KHDRBS2: variants seen among roughly 807,000 people sequenced by gnomAD.
The protein encoded by KHDRBS2 is KH domain-containing, RNA-binding, signal transduction-associated protein 2.
A neutral mutation model predicts 44.3 loss-of-function variants in KHDRBS2; 26 were observed. The ratio of observed to expected loss-of-function variants is 0.59; its 90% CI spans 0.43 to 0.81. The LOEUF (loss-of-function observed/expected upper bound fraction) is 0.81, where lower values mean the gene tolerates loss of function less well. Ranked by LOEUF, KHDRBS2 falls within the 40% of genes least tolerant of loss-of-function variation. The probability of loss-of-function intolerance (pLI) is 0.00; values close to 1 mark genes in which losing one functional copy is unlikely to be tolerated. For synonymous variants in KHDRBS2, 194 were observed against 151.1 expected, an observed-to-expected ratio of 1.28 and a Z score of -2.08; for missense variants, 476 against 433.1, an observed-to-expected ratio of 1.10 and a Z score of -0.88.
chr6:61,586,507 T>C, the KHDRBS2 span, among the ~76,000 whole-genome samples: 1 of 152,122 alleles, frequency 6.6e-6, no homozygotes, highest in East Asian at 1.9e-4. Context: ...GTCCAAGACT[T>C]TTGTGTTAAC....
chr6:61,923,416 G>T (rs1392690511), intron 4 of KHDRBS2, among the ~76,000 whole-genome samples: 1 of 151,894 alleles, frequency 6.6e-6, no homozygotes, highest in South Asian at 2.1e-4. Context: ...CTTCCAAAGT[G>T]CACTTAAGAA....
chr6:61,753,495 A>C (rs767403260), intron 6 of KHDRBS2, among the ~76,000 whole-genome samples: 20 of 152,342 alleles, frequency 1.3e-4, no homozygotes, highest in Non-Finnish European at 2.2e-4. Flanking sequence ...ATCTTTCTTT[A>C]AGCAGAGAGA....
At chr6:61,875,594 C>A (rs1229075514) in intron 6 of KHDRBS2, among the ~76,000 whole-genome samples, 1 of 152,040 alleles carries the variant, frequency 6.6e-6, no homozygotes, top group East Asian at 1.9e-4. Context: ...CCAAAGGAAA[C>A]CTTGAAACAA....
the KHDRBS2 span, among the ~76,000 whole-genome samples, chr6:61,559,159 T>TTA: frequency 6.6e-6 from 1 of 152,204 alleles, no homozygotes; most frequent in Non-Finnish European, 1.5e-5. Flanking sequence ...TTTTTTATCA[T>TTA]TATATAGTGA....
At chr6:61,655,859 G>A in the KHDRBS2 span, among the ~76,000 whole-genome samples, 1 of 152,014 alleles carries the variant, frequency 6.6e-6, no homozygotes, top group Non-Finnish European at 1.5e-5. Flanking sequence ...GCCTGACACT[G>A]AGATGTGGAG....
intron 3 of KHDRBS2, among the ~76,000 whole-genome samples, chr6:62,023,737 C>A (rs1179915569): frequency 2.0e-5 from 3 of 151,224 alleles, no homozygotes; most frequent in Non-Finnish European, 4.4e-5. Flanking sequence ...TTTCAGTCAG[C>A]AAATTATATG....
At chr6:61,601,551 T>G in the KHDRBS2 span, among the ~76,000 whole-genome samples, 3 of 152,068 alleles carry the variant, frequency 2.0e-5, no homozygotes, top group Admixed American at 6.5e-5. Context: ...AGGCAAACGG[T>G]CTGAGGTGCC....
At chr6:61,925,592 T>C (rs533956495) in intron 4 of KHDRBS2, among the ~76,000 whole-genome samples, 52 of 152,074 alleles carry the variant, frequency 3.4e-4, no homozygotes, top group Non-Finnish European at 5.6e-4. Flanking sequence ...TGTGCACCTG[T>C]ACACCTGTAG....
At chr6:61,890,227 T>C (rs1423082332) in intron 6 of KHDRBS2, among the ~76,000 whole-genome samples, 3 of 151,618 alleles carry the variant, frequency 2.0e-5, no homozygotes, top group East Asian at 3.9e-4. Flanking sequence ...ACTGATTGAA[T>C]AAATAAAAGC....
intron 6 of KHDRBS2, among the ~76,000 whole-genome samples, chr6:61,794,219 T>C (rs542167075): frequency 1.4e-4 from 21 of 152,224 alleles, no homozygotes; most frequent in African/African-American, 5.1e-4. Flanking sequence ...ACATACATGA[T>C]CTCATTTGAT....
At chr6:61,615,125 C>A in the KHDRBS2 span, among the ~76,000 whole-genome samples, 23 of 145,610 alleles carry the variant, frequency 1.6e-4, no homozygotes, top group African/African-American at 4.8e-4. Flanking sequence ...CCCAGCTACT[C>A]GGGAGGCTGA....
intron 4 of KHDRBS2, among the ~76,000 whole-genome samples, chr6:61,928,864 C>T (rs941391162): frequency 5.4e-4 from 82 of 151,900 alleles, no homozygotes; most frequent in African/African-American, 1.8e-3. Flanking sequence ...TATTATAAAA[C>T]TAGGATTGTT....
chr6:61,816,855 A>G (rs1789040172), intron 6 of KHDRBS2: 3 of 424,610 alleles, frequency 7.1e-6, no homozygotes, highest in African/African-American at 4.1e-5. Flanking sequence ...TCTTAAATCT[A>G]TGAGTGTTGT....
At chr6:61,671,015 C>T in the KHDRBS2 span, among the ~76,000 whole-genome samples, 3 of 151,512 alleles carry the variant, frequency 2.0e-5, no homozygotes. Flanking sequence ...GAAAATGACA[C>T]AAGACACTGA....
At chr6:62,231,685 G>A (rs1832926228) in intron 1 of KHDRBS2, among the ~76,000 whole-genome samples, 1 of 152,076 alleles carries the variant, frequency 6.6e-6, no homozygotes, top group African/African-American at 2.4e-5. Context: ...AAATAAATTG[G>A]TAAAATTTAT....
At chr6:62,169,160 T>TGTGTATATATACATATAC (rs1819413008) in intron 2 of KHDRBS2, among the ~76,000 whole-genome samples, 5 of 85,268 alleles carry the variant, frequency 5.9e-5, no homozygotes, top group African/African-American at 8.6e-5. Context: ...TATATATACG[T>TGTGTATATATACATATAC]ACACATATAT....
the KHDRBS2 span, among the ~76,000 whole-genome samples, chr6:61,571,758 G>A: frequency 6.6e-6 from 1 of 151,898 alleles, no homozygotes; most frequent in East Asian, 1.9e-4. Context: ...ACCCCAAAAG[G>A]AACTCTCAAA....
chr6:61,742,233 T>G (rs1030673419), intron 6 of KHDRBS2, among the ~76,000 whole-genome samples: 2 of 151,956 alleles, frequency 1.3e-5, no homozygotes, highest in Non-Finnish European at 2.9e-5. Context: ...TGAAGTGTGG[T>G]TAATTCTTAA....
At chr6:62,097,106 TG>T (rs1371284559) in intron 2 of KHDRBS2, among the ~76,000 whole-genome samples, 4 of 151,844 alleles carry the variant, frequency 2.6e-5, no homozygotes, top group African/African-American at 9.7e-5. Context: ...GATATAATTT[TG>T]TTTTTTTTTT....
Sources: allele counts gnomAD v4.1 joint callset (sites outside exome capture counted in the v4.1 genomes callset), GRCh38; gene constraint gnomAD v4.1.1; transcripts MANE v1.5; gene names NCBI Gene and HGNC (gene_info 2026-07-23, HGNC 2026-07-21).